Variants in PPP2R3B observed in about 807,000 individuals in gnomAD.
The protein encoded by PPP2R3B is serine/threonine-protein phosphatase 2A regulatory subunit B'' subunit beta.
PPP2R3B carries 68 observed loss-of-function variants against 72.9 expected under a neutral mutation model. That is an observed-to-expected ratio of 0.93 (90% CI 0.77 to 1.14). The LOEUF is 1.14. Among genes scored for constraint, PPP2R3B ranks in the 50% most tolerant of loss-of-function variants. The pLI is 0.00. For missense variants in PPP2R3B, 1,018 were observed against 842.0 expected (o/e 1.21, Z -2.59); for synonymous variants, 466 against 375.8 (o/e 1.24, Z -2.78).
At chrX:345,082 T>A (rs1282026999) in intron 7 of PPP2R3B, 1 of 449,322 alleles carries the variant, frequency 2.2e-6, no homozygotes, top group African/African-American at 2.0e-5. Context: ...CGCGGAGGTA[T>A]ATGAACGACC....
intron 2 of PPP2R3B, among the ~76,000 whole-genome samples, chrX:350,575 G>A (rs1413188174): frequency 6.6e-6 from 1 of 152,240 alleles, no homozygotes; most frequent in Non-Finnish European, 1.5e-5. Context: ...GGAGAGGGGT[G>A]CACGGTGGCC....
intron 2 of PPP2R3B, among the ~76,000 whole-genome samples, chrX:350,867 C>T (rs890947622): frequency 1.3e-5 from 2 of 152,158 alleles, no homozygotes; most frequent in East Asian, 1.9e-4. Flanking sequence ...GAAGAGGGCC[C>T]GTGCCCGTGA....
At chrX:360,918 G>A (rs1013807166) in intron 2 of PPP2R3B, among the ~76,000 whole-genome samples, 65 of 152,188 alleles carry the variant, frequency 4.3e-4, no homozygotes, top group Admixed American at 2.8e-3. Context: ...GATGCACGCC[G>A]CGCCGCAGCA....
At chrX:347,456 C>T (rs1212760205) in intron 3 of PPP2R3B, 120 bp from the exon 4 acceptor site, 16 of 1,340,496 alleles carry the variant, frequency 1.2e-5, no homozygotes, top group African/African-American at 2.9e-5. Flanking sequence ...CCACACACGA[C>T]GGCCAGGCCT....
chrX:340,450 C>T lies in PPP2R3B; in HGVS notation c.1351+315G>A, dbSNP rs997013593. On this transcript the variant is annotated intron_variant, in intron 10 of 12. Transcript: ENST00000390665. The stretch of plus-strand genomic sequence containing the variant: ...GGGACGTCCCCTCACCCTGGTCCGT[C>T]CCCCCTCCCGTCTGTCCCCTCACCC... Among the ~76,000 whole-genome samples the T allele has an allele frequency of 2.3e-4, 30 of 129,012 alleles. 2 individuals carry two copies. Among genetic ancestry groups the T allele is most frequent in the Non-Finnish European group, 4.3e-4 (26 of 60,446 alleles). The allele number at this position is 129,012 out of a possible 152,430, so 84.6% of individuals were successfully genotyped here. A position where few individuals can be genotyped will look rare whatever the true frequency, so the allele number is the denominator to read the frequency against.
At chrX:384,858 G>A (rs1207070003) in intron 1 of PPP2R3B, among the ~76,000 whole-genome samples, 5 of 151,634 alleles carry the variant, frequency 3.3e-5, no homozygotes, top group East Asian at 1.9e-4. Flanking sequence ...GGTGGTGTGC[G>A]CCTGTAATCA....
intron 1 of PPP2R3B, among the ~76,000 whole-genome samples, chrX:369,617 C>T (rs1256317059): frequency 6.6e-5 from 10 of 152,238 alleles, no homozygotes; most frequent in East Asian, 3.8e-4. Flanking sequence ...ACACAGGCCA[C>T]GTGCACCGTG....
At chrX:356,039 G>C (rs1183569324) in intron 2 of PPP2R3B, among the ~76,000 whole-genome samples, 2 of 152,192 alleles carry the variant, frequency 1.3e-5, no homozygotes, top group Admixed American at 6.5e-5. Flanking sequence ...TGATGAGAAA[G>C]AAACACGTAA....
At position 345,634 on chromosome X, in the gene PPP2R3B, C is replaced by A; in HGVS notation, c.918G>T (p.Gln306His). Residue 306 changes from glutamine (Q) to histidine (H), a missense_variant, in exon 7 of 13, where the codon CAG (glutamine) becomes CAT (histidine). Transcript: ENST00000390665. ...GCTCGTACGAGAAGAATTCGGTCAG[C>A]TGGTTGATGTCCGCCTCCTCCTCCA... ...ALLEEEADIN[Q>H]LTEFFSYEHF... 6.2e-7 allele frequency: 1 copy of A among 1,613,164 alleles called. No individual in the cohort carries two copies. Among genetic ancestry groups the A allele is most frequent in the Non-Finnish European group, 8.5e-7 (1 of 1,179,560 alleles).
intron 1 of PPP2R3B, among the ~76,000 whole-genome samples, chrX:379,317 G>T (rs769062594): frequency 6.8e-6 from 1 of 146,212 alleles, no homozygotes; most frequent in South Asian, 2.1e-4. Flanking sequence ...CTATGTATGT[G>T]TGTATGCGTG....
Position 360,832 on chromosome X carries a change from G to A in PPP2R3B, c.510+573C>T, listed in dbSNP as rs147005853. Among the ~76,000 whole-genome samples the A allele has an allele frequency of 5.5e-3, 844 of 152,356 alleles. 7 individuals carry two copies. The highest frequency in any genetic ancestry group is 0.02 in the African/African-American group (815 of 41,590). On this transcript the variant is annotated intron_variant, in intron 2 of 12. Coordinates refer to ENST00000390665, the MANE Select transcript of PPP2R3B (RefSeq NM_013239.5). ...CTTGGTAACGGACAGACACTAAACTGAGTGTGCTCCATCTGTGGGCGTCCA... is the reference window on the plus strand; with the variant it reads ...CTTGGTAACGGACAGACACTAAACTAAGTGTGCTCCATCTGTGGGCGTCCA...
rs767734585 is a variant in PPP2R3B at position 333,962 on chromosome X, A to T, written c.*405T>A. ...CCAAACGTACAAGCGTGATCGCCAGAAACGGTTTTGTACGTTTACACAAAA... is the reference window on the plus strand; with the variant it reads ...CCAAACGTACAAGCGTGATCGCCAGTAACGGTTTTGTACGTTTACACAAAA... On this transcript the variant is annotated 3_prime_UTR_variant, in exon 13 of 13. Transcript: ENST00000390665. The T allele has an allele frequency of 1.2e-5, 2 of 171,246 alleles. No homozygotes were observed. The highest frequency in any genetic ancestry group is 3.1e-4 in the East Asian group (2 of 6,376). 10.6% of individuals were successfully genotyped at this position (171,246 alleles called of 1,614,324 possible). A position where few individuals can be genotyped will look rare whatever the true frequency, so the allele number is the denominator to read the frequency against.
chrX:340,943 G>A lies in PPP2R3B; in HGVS notation c.1176-3C>T, dbSNP rs765674147. 1.9e-6 allele frequency: 3 copies of A among 1,607,762 alleles called. No individual in the cohort carries two copies. Among genetic ancestry groups the A allele is most frequent in the East Asian group, 2.2e-5 (1 of 44,766 alleles). On this transcript the variant is annotated splice_region_variant and splice_polypyrimidine_tract_variant and intron_variant, in intron 9 of 12. Transcript: ENST00000390665. The stretch of plus-strand genomic sequence containing the variant: ...TGCAGCGGAACCAGTACTCGATGCT[G>A]CGGCACGGCGAGCTCTGTCAGCCCC...
rs752580159 is a variant in PPP2R3B at position 350,531 on chromosome X, C to T, written c.511-2838G>A. 4.1e-5 allele frequency among the ~76,000 whole-genome samples: 6 copies of T among 147,608 alleles called. No individual in the cohort carries two copies. In the South Asian group the frequency reaches 1.3e-3, roughly 31 times the overall value. ...TTTTAAGCATCAGTGAGAAAGAGGC[C>T]CGAACACGACCGAGTGGACATGCAC... On this transcript the variant is annotated intron_variant, in intron 2 of 12. Transcript: ENST00000390665.
chrX:338,438 C>T (rs779758819), intron 12 of PPP2R3B, 166 bp downstream of exon 12: 47 of 692,342 alleles, frequency 6.8e-5, no homozygotes, highest in African/African-American at 1.9e-4. Flanking sequence ...CTTACCTCAC[C>T]GGCCCCGTGT....
At chrX:353,715 C>T (rs898870215) in intron 2 of PPP2R3B, among the ~76,000 whole-genome samples, 2 of 152,276 alleles carry the variant, frequency 1.3e-5, no homozygotes, top group Non-Finnish European at 2.9e-5. Flanking sequence ...AGAAGTGTGA[C>T]ACTGTGTGGT....
At chrX:363,247 C>A (rs1405682541) in intron 1 of PPP2R3B, among the ~76,000 whole-genome samples, 4 of 137,010 alleles carry the variant, frequency 2.9e-5, no homozygotes, top group Admixed American at 1.4e-4. Flanking sequence ...GTGCATCTCC[C>A]CGAGCCCATG....
rs201952778 is a variant in PPP2R3B at position 334,357 on chromosome X, G to A, written c.*10C>T. ...GGAGCGGCCCCGCGGCGGCGTTCTC[G>A]CGGGCGGCGTCACAGCGGCTCCAGG... is the stretch of plus-strand genomic sequence containing the variant. On this transcript the variant is annotated 3_prime_UTR_variant, in exon 13 of 13. Coordinates refer to ENST00000390665, the MANE Select transcript of PPP2R3B (RefSeq NM_013239.5). 3.1e-3 allele frequency: 4,532 copies of A among 1,474,282 alleles called. 28 individuals carry two copies. Among genetic ancestry groups the A allele is most frequent in the African/African-American group, 0.025 (1,473 of 58,476 alleles). 91.3% of individuals were successfully genotyped at this position (1,474,282 alleles called of 1,614,324 possible). A position where few individuals can be genotyped will look rare whatever the true frequency, so the allele number is the denominator to read the frequency against.
At position 338,803 on chromosome X, in the gene PPP2R3B, T is replaced by C. The variant is rs1322439087; in HGVS notation, c.1445A>G (p.Gln482Arg). ...CCTGAGCAGGGAGATCTGCTCTTTC[T>C]GCTCGTGGTCGAGGTACTTCTCGAT... ...FNIEKYLDHEQKEQISLLRDG... is the reference protein window; with the variant it reads ...FNIEKYLDHERKEQISLLRDG... The change falls in exon 11 of 13, where the codon CAG becomes CGG. Residue 482 changes from glutamine to arginine, a missense_variant. Gln to Arg is a conservative substitution (Grantham distance 43, BLOSUM62 1). Transcript: ENST00000390665. 23 of 1,612,346 alleles carry C rather than the reference T, an allele frequency of 1.4e-5. No homozygotes were observed. The highest frequency in any genetic ancestry group is 1.9e-5 in the Non-Finnish European group (22 of 1,179,716).
Sources: allele counts gnomAD v4.1 joint callset (sites outside exome capture counted in the v4.1 genomes callset), GRCh38; gene constraint gnomAD v4.1.1; transcripts MANE v1.5; gene names NCBI Gene and HGNC (gene_info 2026-07-23, HGNC 2026-07-21).